The following DYNC2H1 variants were observed in gnomAD, a reference collection of about 807,000 sequenced individuals.
DYNC2H1 encodes dynein cytoplasmic 2 heavy chain 1.
Under a neutral mutation model 570.0 loss-of-function variants are expected in DYNC2H1, and 410 were observed. The ratio of observed to expected loss-of-function variants is 0.72; its 90% confidence interval spans 0.66 to 0.78. The LOEUF (loss-of-function observed/expected upper bound fraction) is 0.78. Ranked by LOEUF, DYNC2H1 falls within the 30% of genes least tolerant of loss-of-function variation. DYNC2H1 has a pLI of 0.00. For missense variants in DYNC2H1, 4,865 were observed against 5,046.4 expected (o/e 0.96, Z 1.09); for synonymous variants, 1,688 against 1,677.6 (o/e 1.01, Z -0.15).
chr11:103,253,109 A>G (rs1020374697), intron 65 of DYNC2H1, among the ~76,000 whole-genome samples, 176 bp from the exon 66 acceptor site: 1 of 152,206 alleles, frequency 6.6e-6, no homozygotes, highest in Non-Finnish European at 1.5e-5. Flanking sequence ...CATTGCTTGC[A>G]TAAGTGCTGA....
chr11:103,139,192 G>C (rs1354988281), intron 17 of DYNC2H1, among the ~76,000 whole-genome samples: 1 of 152,016 alleles, frequency 6.6e-6, no homozygotes, highest in African/African-American at 2.4e-5. Flanking sequence ...TTTTTGAATG[G>C]TTTTTTGTGT....
chr11:103,172,983 A>G lies in DYNC2H1; in HGVS notation c.5335-99A>G, dbSNP rs185758196. The G allele has an allele frequency of 8.7e-5, 52 of 600,854 alleles. 1 individual carries two copies. The Admixed American group carries it at 2.2e-3, about 25-fold the overall frequency. The allele number at this position is 600,854 out of a possible 1,614,324, so 37.2% of individuals were successfully genotyped here. A position where few individuals can be genotyped will look rare whatever the true frequency, so the allele number is the denominator to read the frequency against. On this transcript the variant is annotated intron_variant, in intron 34 of 88. Transcript: ENST00000375735. ...CACAATAAAATTCTGTTGGCAGCAT[A>G]TTTTATGTTTATAGTTTCAAATATA... is the stretch of plus-strand genomic sequence containing the variant.
chr11:103,224,094 A>G (rs1863706004), intron 59 of DYNC2H1, among the ~76,000 whole-genome samples: 1 of 152,120 alleles, frequency 6.6e-6, no homozygotes, highest in Non-Finnish European at 1.5e-5. Flanking sequence ...GTTCTAGGAA[A>G]TGCTTAGCAT....
intron 62 of DYNC2H1, 59 bp from the exon 63 acceptor site, chr11:103,236,371 C>T: frequency 2.0e-6 from 2 of 1,023,976 alleles, no homozygotes; most frequent in Admixed American, 1.7e-5. Context: ...GCTTTATTTC[C>T]TTCCCTTCAT....
chr11:103,285,983 T>C (rs568604075), intron 73 of DYNC2H1, among the ~76,000 whole-genome samples: 1 of 152,204 alleles, frequency 6.6e-6, no homozygotes, highest in African/African-American at 2.4e-5. Context: ...AAGGTGGAGA[T>C]AGCTAGGTAC....
intron 70 of DYNC2H1, among the ~76,000 whole-genome samples, chr11:103,260,431 T>C (rs1479551290): frequency 6.6e-6 from 1 of 152,172 alleles, no homozygotes; most frequent in Non-Finnish European, 1.5e-5. Flanking sequence ...TTGTCCAATG[T>C]CTCTGGGGTT....
chr11:103,178,935 A>G, intron 38 of DYNC2H1, 91 bp from the exon 39 acceptor site: 1 of 1,280,276 alleles, frequency 7.8e-7, no homozygotes, highest in Non-Finnish European at 1.1e-6. Flanking sequence ...ACAAATTCAT[A>G]TGAAAATTAA....
chr11:103,277,472 A>G lies in DYNC2H1; in HGVS notation c.10696-2876A>G, dbSNP rs1331599685. Among the ~76,000 whole-genome samples, 1 of 151,908 alleles carries G rather than the reference A, an allele frequency of 6.6e-6. No individual in the cohort carries two copies. Among genetic ancestry groups the G allele is most frequent in the African/African-American group, 2.4e-5 (1 of 41,372 alleles). Reference sequence around the variant, plus strand: ...TCTGGGATGTTTAGTCCCTTCTTACATTCTTGAGTATTTAATGATACTTGT... The same window carrying G: ...TCTGGGATGTTTAGTCCCTTCTTACGTTCTTGAGTATTTAATGATACTTGT... On this transcript the variant is annotated intron_variant, in intron 70 of 88. Coordinates refer to ENST00000375735, the MANE Select transcript of DYNC2H1 (RefSeq NM_001377.3). This position sits in a 1 kb window ranked among gnomAD's most constrained non-coding sequence, Gnocchi z 4.3.
At chr11:103,246,760 CAG>C (rs1296525519) in intron 65 of DYNC2H1, among the ~76,000 whole-genome samples, 1 of 151,978 alleles carries the variant, frequency 6.6e-6, no homozygotes, top group African/African-American at 2.4e-5. Flanking sequence ...ACTCTGGGGA[CAG>C]AGGATGGTAG....
chr11:103,127,462 T>A (rs1385017485), intron 12 of DYNC2H1, among the ~76,000 whole-genome samples: 2 of 152,224 alleles, frequency 1.3e-5, no homozygotes, highest in Non-Finnish European at 2.9e-5. Context: ...TCTGGGCCTA[T>A]TTTTGTGGTA....
chr11:103,223,021 T>C lies in DYNC2H1; in HGVS notation c.9288T>C (p.Asn3096=). 1 of 1,613,472 alleles carries C rather than the reference T, an allele frequency of 6.2e-7. No individual in the cohort carries two copies. Among genetic ancestry groups the C allele is most frequent in the Non-Finnish European group, 8.5e-7 (1 of 1,179,580 alleles). ...AAPLAAWVKA[N]IQYSHVLERI... ...CTTTGGCTGCCTGGGTGAAAGCCAA[T>C]ATTCAGTATTCCCATGTCTTGGAAC... The change falls in exon 59 of 89, where the codon AAT becomes AAC. Residue 3096 remains asparagine (N), a synonymous_variant. Transcript: ENST00000375735.
intron 9 of DYNC2H1, 35 bp downstream of exon 9, chr11:103,121,071 A>G (rs1185740225): frequency 7.4e-7 from 1 of 1,347,874 alleles, no homozygotes; most frequent in Non-Finnish European, 9.9e-7. Flanking sequence ...TTTGCTTGAG[A>G]GAATATTTTT....
chr11:103,236,331 T>C, intron 62 of DYNC2H1, 99 bp from the exon 63 acceptor site: 1 of 745,730 alleles, frequency 1.3e-6, no homozygotes, highest in Non-Finnish European at 2.3e-6. Flanking sequence ...AAGTAAGGAC[T>C]GTCATAGGAC....
At chr11:103,356,306 TTTTA>T (rs1195213398) in intron 82 of DYNC2H1, among the ~76,000 whole-genome samples, 13 of 152,306 alleles carry the variant, frequency 8.5e-5, no homozygotes, top group African/African-American at 2.4e-4. Flanking sequence ...ATAAAAATGT[TTTTA>T]TTTTATGTTT....
rs1444137013 is a variant in DYNC2H1, at chr11:103,209,577, G to T, written c.8455-299G>T. Among the ~76,000 whole-genome samples, 1 of 151,810 alleles carries T rather than the reference G, an allele frequency of 6.6e-6. No homozygotes were observed. The highest frequency in any genetic ancestry group is 6.6e-5 in the Admixed American group (1 of 15,220). On this transcript the variant is annotated intron_variant, in intron 52 of 88. Transcript: ENST00000375735. The surrounding 1 kb of genome is among the most constrained non-coding windows in gnomAD (Gnocchi z 4.2). ...TTTTTATTATTGTATGTTTTTAAAT[G>T]ACATTGTGATTATTTTCTAATTCAA...
chr11:103,422,508 A>G (rs1943521164), intron 84 of DYNC2H1, among the ~76,000 whole-genome samples: 1 of 152,206 alleles, frequency 6.6e-6, no homozygotes, highest in Admixed American at 6.5e-5. Flanking sequence ...AGTTGGCTTC[A>G]TCCCTGGGAT....
Position 103,165,911 on chromosome 11 carries a change from C to A in DYNC2H1, c.4625C>A (p.Ala1542Glu). 1 of 1,493,524 alleles carries A rather than the reference C, an allele frequency of 6.7e-7. No homozygotes were observed. The highest frequency in any genetic ancestry group is 8.9e-7 in the Non-Finnish European group (1 of 1,121,434). The allele number at this position is 1,493,524 out of a possible 1,614,324, so 92.5% of individuals were successfully genotyped here. The change falls in exon 31 of 89, where the codon GCG becomes GAG. Residue 1542 changes from alanine to glutamate, a missense_variant. By Grantham distance (107) the Ala-to-Glu change is moderately radical. Around this residue, in one of 5 missense-constraint regions of DYNC2H1, gnomAD observed 1,936 missense variants for 1,962.1 expected, o/e 0.99. Transcript: ENST00000375735. ...TTTATTCAATAGATTTTATGCTTGG[C>A]GGAGCAGATTAAATTCACTGAAGAT... ...SLFPSQILCL[A>E]EQIKFTEDVE...
At position 103,234,052 on chromosome 11, in the gene DYNC2H1, A is replaced by G. The variant is rs1479045164; in HGVS notation, c.9459A>G (p.Ser3153=). The change falls in exon 61 of 89, where the codon TCA becomes TCG. Residue 3153 remains serine, a synonymous_variant. Coordinates refer to ENST00000375735, the MANE Select transcript of DYNC2H1 (RefSeq NM_001377.3). ...ELKEKFQSRT[S]EAAKLEAEVS... The stretch of plus-strand genomic sequence containing the variant: ...TACATAGATTTCAGAGCAGGACTTC[A>G]GAAGCTGCCAAACTTGAGGCTGAAG... 4 of 1,557,666 alleles carry G rather than the reference A, an allele frequency of 2.6e-6. No homozygotes were observed. The highest frequency in any genetic ancestry group is 3.5e-6 in the Non-Finnish European group (4 of 1,149,764).
Position 103,446,259 on chromosome 11 carries a change from A to G in DYNC2H1, c.12457-8927A>G, listed in dbSNP as rs1375901703. ...TTTAAAACCATAGGAATGGCCAAGT[A>G]TCTGGCACTGGTGCACTTCAATATT... On this transcript the variant is annotated intron_variant, in intron 85 of 88. Coordinates refer to ENST00000375735, the MANE Select transcript of DYNC2H1 (RefSeq NM_001377.3). This position sits in a 1 kb window ranked among gnomAD's most constrained non-coding sequence, Gnocchi z 4.5. Among the ~76,000 whole-genome samples, 14 of 152,184 alleles carry G rather than the reference A, an allele frequency of 9.2e-5. No individual in the cohort carries two copies. The highest frequency in any genetic ancestry group is 7.9e-4 in the Admixed American group (12 of 15,274).
Sources: allele counts gnomAD v4.1 joint callset (sites outside exome capture counted in the v4.1 genomes callset), GRCh38; gene constraint gnomAD v4.1.1; regional missense constraint gnomAD v4.1.1; non-coding constraint Gnocchi (gnomAD v3.1); transcripts MANE v1.5; gene names NCBI Gene and HGNC (gene_info 2026-07-23, HGNC 2026-07-21).